The following NRXN1 variants were observed in gnomAD, a reference collection of about 807,000 sequenced individuals.
NRXN1 encodes neurexin 1, also known as neurexin-1.
A neutral mutation model predicts 150.9 loss-of-function variants in NRXN1; 39 were observed. That is an observed-to-expected ratio of 0.26 (90% confidence interval 0.20 to 0.34). NRXN1 has a LOEUF of 0.34. Ranked by LOEUF, NRXN1 falls within the 10% of genes least tolerant of loss-of-function variation. NRXN1 has a pLI of 1.00. For missense variants in NRXN1, 1,815 were observed against 1,949.9 expected (o/e 0.93, Z 1.30); for synonymous variants, 924 against 757.0 (o/e 1.22, Z -3.62).
intron 17 of NRXN1, among the ~76,000 whole-genome samples, chr2:50,411,950 T>TC (rs2083216625): frequency 6.6e-6 from 1 of 152,176 alleles, no homozygotes. Flanking sequence ...CATAGGAGAC[T>TC]CCATTTTGTT....
chr2:50,125,493 A>C (rs1704451015), intron 18 of NRXN1, among the ~76,000 whole-genome samples: 1 of 152,060 alleles, frequency 6.6e-6, no homozygotes, highest in African/African-American at 2.4e-5. Flanking sequence ...CAACCTAGCT[A>C]TTTCTTTTTC....
At chr2:50,751,779 T>C (rs922955456) in intron 5 of NRXN1, among the ~76,000 whole-genome samples, 1 of 152,008 alleles carries the variant, frequency 6.6e-6, no homozygotes, top group African/African-American at 2.4e-5. Flanking sequence ...ATTAGTCATT[T>C]TCCAGACTAA....
At chr2:50,362,826 C>T (rs2079318917) in intron 17 of NRXN1, among the ~76,000 whole-genome samples, 1 of 152,184 alleles carries the variant, frequency 6.6e-6, no homozygotes, top group Admixed American at 6.5e-5. Flanking sequence ...AGGCATCACG[C>T]TACCTGACTT....
chr2:50,295,521 G>T (rs917292768), intron 17 of NRXN1, among the ~76,000 whole-genome samples: 1 of 152,062 alleles, frequency 6.6e-6, no homozygotes, highest in Non-Finnish European at 1.5e-5. Context: ...TGAATAGAAG[G>T]AATATGAGCA....
chr2:50,486,256 A>T (rs2090865878), intron 15 of NRXN1, among the ~76,000 whole-genome samples: 1 of 152,170 alleles, frequency 6.6e-6, no homozygotes, highest in Non-Finnish European at 1.5e-5. Context: ...GACATAATTG[A>T]TAATAACGAG....
intron 18 of NRXN1, among the ~76,000 whole-genome samples, chr2:50,230,248 T>C (rs900308272): frequency 6.6e-6 from 1 of 151,982 alleles, no homozygotes; most frequent in African/African-American, 2.4e-5. Flanking sequence ...TGGGAAGAAA[T>C]CTTTTGAACA....
chr2:50,551,851 G>C (rs1392901215), intron 9 of NRXN1, among the ~76,000 whole-genome samples: 1 of 151,104 alleles, frequency 6.6e-6, no homozygotes, highest in African/African-American at 2.4e-5. Context: ...TGTCATCTCT[G>C]CTTCCTGGAT....
At chr2:50,115,828 C>A (rs575347958) in intron 18 of NRXN1, among the ~76,000 whole-genome samples, 18 of 152,018 alleles carry the variant, frequency 1.2e-4, no homozygotes, top group African/African-American at 4.1e-4. Context: ...AACAGTCTTT[C>A]TGTTACATAA....
At chr2:50,992,509 AG>A (rs1698687928) in intron 2 of NRXN1, among the ~76,000 whole-genome samples, 1 of 143,172 alleles carries the variant, frequency 7.0e-6, no homozygotes, top group Admixed American at 6.8e-5. Flanking sequence ...AAATAGGTTT[AG>A]TGCTTATAAA....
intron 17 of NRXN1, among the ~76,000 whole-genome samples, chr2:50,373,627 AAAGAAAGAAAG>A (rs1233637638): frequency 1.2e-4 from 4 of 33,462 alleles, no homozygotes; most frequent in Non-Finnish European, 2.9e-4. Flanking sequence ...GAGAGAAAGA[AAAGAAAGAAAG>A]AAAGAAAGAA....
chr2:50,978,799 A>G (rs1462057207), intron 2 of NRXN1, among the ~76,000 whole-genome samples: 1 of 152,096 alleles, frequency 6.6e-6, no homozygotes, highest in East Asian at 1.9e-4. Flanking sequence ...GAAAACATGC[A>G]TAATGATTAA....
At chr2:50,169,046 C>G (rs2059856627) in intron 18 of NRXN1, among the ~76,000 whole-genome samples, 1 of 152,166 alleles carries the variant, frequency 6.6e-6, no homozygotes. Context: ...AAACGTATCA[C>G]TGTAACATAA....
chr2:49,936,252 T>A (rs1671007951), intron 22 of NRXN1, among the ~76,000 whole-genome samples: 1 of 152,198 alleles, frequency 6.6e-6, no homozygotes, highest in South Asian at 2.1e-4. Context: ...AGTTAAAACA[T>A]TTTAACAGAA....
chr2:49,961,006 A>G (rs1279855116), intron 21 of NRXN1, among the ~76,000 whole-genome samples: 1 of 152,156 alleles, frequency 6.6e-6, no homozygotes, highest in Non-Finnish European at 1.5e-5. Flanking sequence ...ATGTAAAATG[A>G]GTACTAAACA....
chr2:50,408,484 T>C (rs551990592), intron 17 of NRXN1, among the ~76,000 whole-genome samples: 58 of 152,322 alleles, frequency 3.8e-4, no homozygotes, highest in Non-Finnish European at 6.9e-4. Flanking sequence ...CAGTCTGGCT[T>C]TCAGTCAGCT....
intron 5 of NRXN1, among the ~76,000 whole-genome samples, chr2:50,837,646 A>G (rs901674390): frequency 6.6e-5 from 10 of 152,148 alleles, no homozygotes; most frequent in African/African-American, 1.9e-4. Flanking sequence ...CTTAACAATT[A>G]TAAGAGCTGA....
At chr2:50,480,762 T>TAACA (rs1288914931) in intron 15 of NRXN1, among the ~76,000 whole-genome samples, 2 of 152,186 alleles carry the variant, frequency 1.3e-5, no homozygotes, top group Non-Finnish European at 2.9e-5. Flanking sequence ...CTTACACATC[T>TAACA]AACAGTATAT....
chr2:50,019,122 A>T (rs1687087831), intron 21 of NRXN1: 1 of 439,610 alleles, frequency 2.3e-6, no homozygotes, highest in African/African-American at 2.1e-5. Flanking sequence ...CTGTGCTTTC[A>T]TCATCCCTAG....
At chr2:50,883,170 T>G (rs1679710907) in intron 5 of NRXN1, among the ~76,000 whole-genome samples, 1 of 151,888 alleles carries the variant, frequency 6.6e-6, no homozygotes, top group East Asian at 1.9e-4. Flanking sequence ...ATATTCTATT[T>G]GCAATTTTCT....
Sources: allele counts gnomAD v4.1 joint callset (sites outside exome capture counted in the v4.1 genomes callset), GRCh38; gene constraint gnomAD v4.1.1; transcripts MANE v1.5; gene names NCBI Gene and HGNC (gene_info 2026-07-23, HGNC 2026-07-21).